EN1: variants seen among roughly 807,000 people sequenced by gnomAD.
EN1 encodes the protein homeobox protein engrailed-1.
EN1 carries 8 observed loss-of-function variants against 22.9 expected under a neutral mutation model. The ratio of observed to expected loss-of-function variants is 0.35; its 90% CI spans 0.20 to 0.63. EN1 has a LOEUF of 0.63. EN1 is among the 20% of genes least tolerant of loss of function. EN1 has a pLI of 0.73. For synonymous variants in EN1, 287 were observed against 262.5 expected (o/e 1.09, Z -0.90); for missense variants, 521 against 572.1 (o/e 0.91, Z 0.91).
chr2:118,844,642 C>CTCCA (rs919038689), intron 1 of EN1, among the ~76,000 whole-genome samples: 10 of 152,266 alleles, frequency 6.6e-5, no homozygotes, highest in Admixed American at 1.3e-4. Flanking sequence ...TTGCCGGCAT[C>CTCCA]TCCAAACCTA....
In EN1 at chr2:118,846,477, C is replaced by G; in HGVS notation, c.691G>C (p.Gly231Arg). 2 of 1,592,612 alleles carry G rather than the reference C, an allele frequency of 1.3e-6. No homozygotes were observed. The highest frequency in any genetic ancestry group is 1.7e-6 in the Non-Finnish European group (2 of 1,171,516). Residue 231 changes from glycine (G) to arginine (R), a missense_variant, in exon 1 of 2, where the codon GGC (glycine) becomes CGC (arginine). Physicochemically the swap from Gly to Arg is moderately radical, Grantham distance 125. Transcript: ENST00000295206. This position sits in a 1 kb window ranked among gnomAD's most constrained non-coding sequence, Gnocchi z 5.0. ...SDTGGGGSGG[G>R]AGSPGAQGTK... is the part of the protein sequence containing the mutation. ...CCCTGCGCTCCGGGGCTCCCCGCGC[C>G]GCCTCCACTGCCGCCGCCACCGGTG...
rs1332869977 is a variant in EN1, at chr2:118,842,683, GCAGTTTC to G, written c.*248_*254del. On this transcript the variant is annotated 3_prime_UTR_variant, in exon 2 of 2. Coordinates refer to ENST00000295206, the MANE Select transcript of EN1 (RefSeq NM_001426.4). ...GGCTAGATAGAGCTTTAAGGAGTTC[GCAGTTTC>G]GTCCCTTATACTGGGAATAGAGAAT... 3 of 549,766 alleles carry G rather than the reference GCAGTTTC, an allele frequency of 5.5e-6. No homozygotes were observed. The highest frequency in any genetic ancestry group is 8.9e-6 in the Non-Finnish European group (3 of 338,688). 34.1% of individuals were successfully genotyped at this position (549,766 alleles called of 1,614,324 possible).
At position 118,847,537 on chromosome 2, in the gene EN1, AG is replaced by A. The variant is rs1180631594; in HGVS notation, c.-371del. 1.7e-5 allele frequency: 3 copies of A among 173,394 alleles called. No homozygotes were observed. Among genetic ancestry groups the A allele is most frequent in the African/African-American group, 7.1e-5 (3 of 42,334 alleles). The allele number at this position is 173,394 out of a possible 1,614,324, so 10.7% of individuals were successfully genotyped here. On this transcript the variant is annotated 5_prime_UTR_variant, in exon 1 of 2. Coordinates refer to ENST00000295206, the MANE Select transcript of EN1 (RefSeq NM_001426.4). ...AAAGGAAAAAGAAAGCAAGAAAAAAAGCTCCAATAATTTTTTTCTTAAAGGG... is the reference window on the plus strand; with the variant it reads ...AAAGGAAAAAGAAAGCAAGAAAAAAACTCCAATAATTTTTTTCTTAAAGGG...
At chr2:118,845,858 C>T (rs1332191677) in intron 1 of EN1, among the ~76,000 whole-genome samples, 1 of 152,172 alleles carries the variant, frequency 6.6e-6, no homozygotes, top group East Asian at 1.9e-4. Context: ...TAAGGACACA[C>T]AGTGAATATA....
At position 118,847,013 on chromosome 2, in the gene EN1, G is replaced by A; in HGVS notation, c.155C>T (p.Pro52Leu). Residue 52 changes from proline to leucine, a missense_variant, in exon 1 of 2, where the codon CCG (proline) becomes CTG (leucine). Around this residue, in one of 3 missense-constraint regions of EN1, gnomAD observed 436 missense variants for 410.1 expected, o/e 1.06. Transcript: ENST00000295206. ...GSDGDSVPVS[P>L]QPAPPSPPAA... Reference sequence around the variant, plus strand: ...GGGCGGCGAGGGGGGCGCAGGCTGCGGGGACACCGGCACGCTGTCTCCATC... The same window carrying A: ...GGGCGGCGAGGGGGGCGCAGGCTGCAGGGACACCGGCACGCTGTCTCCATC... The A allele has an allele frequency of 7.2e-7, 1 of 1,385,024 alleles. No homozygotes were observed. The highest frequency in any genetic ancestry group is 9.3e-7 in the Non-Finnish European group (1 of 1,076,676). 85.8% of individuals were successfully genotyped at this position (1,385,024 alleles called of 1,614,324 possible). A position where few individuals can be genotyped will look rare whatever the true frequency, so the allele number is the denominator to read the frequency against.
Position 118,846,263 on chromosome 2 carries a change from G to A in EN1, c.862+43C>T. The A allele has an allele frequency of 6.3e-7, 1 of 1,586,054 alleles. No individual in the cohort carries two copies. ...GCAGCTTGGCGTTCTGGGGCGGTCC[G>A]CGGGGCCAGAAGGCATGGCGCAGCC... On this transcript the variant is annotated intron_variant, in intron 1 of 1. Transcript: ENST00000295206. This position sits in a 1 kb window ranked among gnomAD's most constrained non-coding sequence, Gnocchi z 5.0.
chr2:118,845,708 C>G (rs1307355079), intron 1 of EN1, among the ~76,000 whole-genome samples: 1 of 152,176 alleles, frequency 6.6e-6, no homozygotes, highest in Non-Finnish European at 1.5e-5. Context: ...TTCTACCCAC[C>G]CGGGTCAGAC....
In EN1 at chr2:118,846,159, G is replaced by T. The variant is rs1678264428; in HGVS notation, c.862+147C>A. ...GGATCGCATAGCTGGATGAACATTC[G>T]GTTGTGACTGGAACTGGGGTGAGGA... On this transcript the variant is annotated intron_variant, in intron 1 of 1. Transcript: ENST00000295206. The surrounding 1 kb of genome is among the most constrained non-coding windows in gnomAD (Gnocchi z 5.0). The T allele has an allele frequency of 4.0e-6, 5 of 1,262,074 alleles. No homozygotes were observed. The highest frequency in any genetic ancestry group is 5.4e-6 in the Non-Finnish European group (5 of 931,668). The allele number at this position is 1,262,074 out of a possible 1,614,324, so 78.2% of individuals were successfully genotyped here. A position where few individuals can be genotyped will look rare whatever the true frequency, so the allele number is the denominator to read the frequency against.
chr2:118,844,875 C>T (rs1678244877), intron 1 of EN1, among the ~76,000 whole-genome samples: 1 of 152,240 alleles, frequency 6.6e-6, no homozygotes, highest in African/African-American at 2.4e-5. Flanking sequence ...AGCCAAGGCC[C>T]TCTCCAGAGC....
chr2:118,843,285 G>A (rs1295695279), intron 1 of EN1, 31 bp from the exon 2 acceptor site: 5 of 1,169,722 alleles, frequency 4.3e-6, no homozygotes, highest in Non-Finnish European at 6.0e-6. Flanking sequence ...GGGGTGGGGT[G>A]GGGGTGGGGA....
Position 118,847,479 on chromosome 2 carries a change from C to A in EN1, c.-312G>T. ...TTTGATTTAAATGGGGAGTAAGCCA[C>A]GGCCAAAAAAATGAAGGAAAAAAAG... On this transcript the variant is annotated 5_prime_UTR_variant, in exon 1 of 2. Transcript: ENST00000295206. The A allele has an allele frequency of 3.8e-6, 1 of 262,432 alleles. No homozygotes were observed. 16.3% of individuals were successfully genotyped at this position (262,432 alleles called of 1,614,324 possible). A position where few individuals can be genotyped will look rare whatever the true frequency, so the allele number is the denominator to read the frequency against.
rs1302374900 is a variant in EN1 at position 118,846,637 on chromosome 2, A to G, written c.531T>C (p.Cys177=). Residue 177 remains cysteine, a synonymous_variant, in exon 1 of 2, where the codon TGT becomes TGC. Transcript: ENST00000295206. This position sits in a 1 kb window ranked among gnomAD's most constrained non-coding sequence, Gnocchi z 5.0. Reference sequence around the variant, plus strand: ...CTGGCTGGGAGCCGTCGGGTGGGCCACAGTTCGCGTCCGGGGCGCACAGGA... The same window carrying G: ...CTGGCTGGGAGCCGTCGGGTGGGCCGCAGTTCGCGTCCGGGGCGCACAGGA... ...ASLLCAPDAN[C]GPPDGSQPAA... The G allele has an allele frequency of 1.3e-5, 19 of 1,515,696 alleles. No homozygotes were observed. Among genetic ancestry groups the G allele is most frequent in the Non-Finnish European group, 1.7e-5 (19 of 1,140,344 alleles). 93.9% of individuals were successfully genotyped at this position (1,515,696 alleles called of 1,614,324 possible). A position where few individuals can be genotyped will look rare whatever the true frequency, so the allele number is the denominator to read the frequency against.
At position 118,846,907 on chromosome 2, in the gene EN1, C is replaced by T. The variant is rs368360681; in HGVS notation, c.261G>A (p.Ala87=). 3 of 1,415,128 alleles carry T rather than the reference C, an allele frequency of 2.1e-6. No individual in the cohort carries two copies. Among genetic ancestry groups the T allele is most frequent in the Non-Finnish European group, 2.8e-6 (3 of 1,070,118 alleles). 87.7% of individuals were successfully genotyped at this position (1,415,128 alleles called of 1,614,324 possible). A position where few individuals can be genotyped will look rare whatever the true frequency, so the allele number is the denominator to read the frequency against. The change falls in exon 1 of 2, where the codon GCG becomes GCA. Residue 87 remains alanine, a synonymous_variant. Coordinates refer to ENST00000295206, the MANE Select transcript of EN1 (RefSeq NM_001426.4). The surrounding 1 kb of genome is among the most constrained non-coding windows in gnomAD (Gnocchi z 5.0). ...CTGGCTGCGGCTGGTGAGCAGGCGC[C>T]GCGAGATGCTGAGGCGGCGGGGGCG... ...HPPPPPPQHL[A]APAHQPQPAA...
intron 1 of EN1, chr2:118,844,296 A>G (rs4144782): frequency 0.38 from 57,370 of 151,652 alleles, 11,153 homozygotes; most frequent in East Asian, 0.59. Context: ...GAGGGAGGGA[A>G]GCAGGGACAA....
At position 118,843,193 on chromosome 2, in the gene EN1, G is replaced by C. The variant is rs139728151; in HGVS notation, c.924C>G (p.Thr308=). The change falls in exon 2 of 2, where the codon ACC becomes ACG. Residue 308 remains threonine (T), a synonymous_variant. Coordinates refer to ENST00000295206, the MANE Select transcript of EN1 (RefSeq NM_001426.4). ...TCTGCAGCTGCTCGGCCGTGAACGC[G>C]GTCCGCGGCCGCTTGTCCTCCTTCT... is the stretch of plus-strand genomic sequence containing the variant. ...KNEKEDKRPR[T]AFTAEQLQRL... The C allele has an allele frequency of 6.3e-7, 1 of 1,596,966 alleles. No individual in the cohort carries two copies. The highest frequency in any genetic ancestry group is 8.5e-7 in the Non-Finnish European group (1 of 1,172,072).
chr2:118,846,940 T>C lies in EN1; in HGVS notation c.228A>G (p.Pro76=), dbSNP rs749569923. Residue 76 remains proline (P), a synonymous_variant, in exon 1 of 2, where the codon CCA becomes CCG. Coordinates refer to ENST00000295206, the MANE Select transcript of EN1 (RefSeq NM_001426.4). This position sits in a 1 kb window ranked among gnomAD's most constrained non-coding sequence, Gnocchi z 5.0. The part of the protein sequence containing the change: ...PPLAHHPHLP[P]HPPPPPPQHL... ...GCTGAGGCGGCGGGGGCGGGGGGTGTGGGGGGAGGTGCGGGTGGTGGGCCA... is the reference window on the plus strand; with the variant it reads ...GCTGAGGCGGCGGGGGCGGGGGGTGCGGGGGGAGGTGCGGGTGGTGGGCCA... 8 of 147,264 alleles carry C rather than the reference T, an allele frequency of 5.4e-5. No homozygotes were observed. Among genetic ancestry groups the C allele is most frequent in the Non-Finnish European group, 8.2e-5 (7 of 85,758 alleles). 9.1% of individuals were successfully genotyped at this position (147,264 alleles called of 1,614,324 possible). A position where few individuals can be genotyped will look rare whatever the true frequency, so the allele number is the denominator to read the frequency against.
Position 118,846,170 on chromosome 2 carries a change from G to T in EN1, c.862+136C>A. ...CTGGATGAACATTCGGTTGTGACTG[G>T]AACTGGGGTGAGGAAGCAGGCGTGA... On this transcript the variant is annotated intron_variant, in intron 1 of 1. Coordinates refer to ENST00000295206, the MANE Select transcript of EN1 (RefSeq NM_001426.4). This position sits in a 1 kb window ranked among gnomAD's most constrained non-coding sequence, Gnocchi z 5.0. 7.4e-7 allele frequency: 1 copy of T among 1,355,322 alleles called. No homozygotes were observed. Among genetic ancestry groups the T allele is most frequent in the Non-Finnish European group, 1.0e-6 (1 of 1,001,518 alleles). 84.0% of individuals were successfully genotyped at this position (1,355,322 alleles called of 1,614,324 possible). A position where few individuals can be genotyped will look rare whatever the true frequency, so the allele number is the denominator to read the frequency against.
Position 118,846,174 on chromosome 2 carries a change from T to A in EN1, c.862+132A>T. 2 of 1,370,580 alleles carry A rather than the reference T, an allele frequency of 1.5e-6. No homozygotes were observed. The highest frequency in any genetic ancestry group is 2.6e-5 in the South Asian group (2 of 75,868). The allele number at this position is 1,370,580 out of a possible 1,614,324, so 84.9% of individuals were successfully genotyped here. A position where few individuals can be genotyped will look rare whatever the true frequency, so the allele number is the denominator to read the frequency against. On this transcript the variant is annotated intron_variant, in intron 1 of 1. Transcript: ENST00000295206. This position sits in a 1 kb window ranked among gnomAD's most constrained non-coding sequence, Gnocchi z 5.0. ...ATGAACATTCGGTTGTGACTGGAAC[T>A]GGGGTGAGGAAGCAGGCGTGAGAGA...
intron 1 of EN1, among the ~76,000 whole-genome samples, chr2:118,845,631 T>A (rs1194686715): frequency 6.6e-6 from 1 of 152,230 alleles, no homozygotes; most frequent in Admixed American, 6.5e-5. Flanking sequence ...CCTCTCCCAC[T>A]GTTTTTCAGC....
Sources: allele counts gnomAD v4.1 joint callset (sites outside exome capture counted in the v4.1 genomes callset), GRCh38; gene constraint gnomAD v4.1.1; regional missense constraint gnomAD v4.1.1; non-coding constraint Gnocchi (gnomAD v3.1); transcripts MANE v1.5; gene names NCBI Gene and HGNC (gene_info 2026-07-23, HGNC 2026-07-21).